GALNT13: variants seen among roughly 807,000 people sequenced by gnomAD.
GALNT13 encodes the protein polypeptide N-acetylgalactosaminyltransferase 13, also known as UDP-GalNAc:polypeptide N-acetylgalactosaminyltransferase 13.
In GALNT13, 28 loss-of-function variants were observed where a neutral mutation model predicts 64.2. That is an observed-to-expected ratio of 0.44 (90% CI 0.32 to 0.60). GALNT13 has a LOEUF of 0.60. Among genes scored for constraint, GALNT13 ranks in the 20% least tolerant of loss-of-function variants. GALNT13 has a pLI of 0.05. For synonymous variants in GALNT13, 214 were observed against 224.6 expected (o/e 0.95, Z 0.42); for missense variants, 577 against 669.8 (o/e 0.86, Z 1.53).
At position 154,114,016 on chromosome 2, in the gene GALNT13, C is replaced by T. The variant is rs1467129929; in HGVS notation, c.143-26321C>T. On this transcript the variant is annotated intron_variant, in intron 3 of 12. Coordinates refer to ENST00000392825, the MANE Select transcript of GALNT13 (RefSeq NM_052917.4). ...ACCTGGCTTAGCTTATGATAATCCA[C>T]TGTCATTCTCCAAGAGCCGTCTGTC... Among the ~76,000 whole-genome samples the T allele has an allele frequency of 2.0e-5, 3 of 152,354 alleles. No homozygotes were observed. In the East Asian group the frequency reaches 5.8e-4, roughly 29 times the overall value.
At chr2:153,858,646 A>G in the GALNT13 span, among the ~76,000 whole-genome samples, 1 of 152,152 alleles carries the variant, frequency 6.6e-6, no homozygotes, top group African/African-American at 2.4e-5. Context: ...TTAATCACTT[A>G]ATGTTCTTAA....
intron 6 of GALNT13, among the ~76,000 whole-genome samples, chr2:154,245,460 T>C (rs1364602581): frequency 6.6e-6 from 1 of 152,206 alleles, no homozygotes; most frequent in Non-Finnish European, 1.5e-5. Context: ...GAATGCTATT[T>C]CTTTTCAATG....
chr2:154,191,641 T>C (rs1573846217), intron 4 of GALNT13, among the ~76,000 whole-genome samples: 2 of 152,292 alleles, frequency 1.3e-5, no homozygotes, highest in South Asian at 4.1e-4. Context: ...GTGATACCTA[T>C]GAAACGGGAA....
At chr2:153,666,344 A>G in the GALNT13 span, among the ~76,000 whole-genome samples, 1 of 152,048 alleles carries the variant, frequency 6.6e-6, no homozygotes, top group Non-Finnish European at 1.5e-5. Flanking sequence ...TGCAACCAAC[A>G]GCATGCAAGC....
chr2:154,161,947 A>T lies in GALNT13; in HGVS notation c.311+21442A>T, dbSNP rs1013153987. Among the ~76,000 whole-genome samples the T allele has an allele frequency of 5.9e-5, 9 of 151,810 alleles. 1 individual carries two copies. The highest frequency in any genetic ancestry group is 1.3e-4 in the Admixed American group (2 of 15,238). On this transcript the variant is annotated intron_variant, in intron 4 of 12. Transcript: ENST00000392825. ...AGGTGCCCGCCACCACACCCAGCTAATTTTTTTGTATTTTTAGTAGAGATG... is the reference window on the plus strand; with the variant it reads ...AGGTGCCCGCCACCACACCCAGCTATTTTTTTTGTATTTTTAGTAGAGATG...
chr2:153,715,833 C>CT, the GALNT13 span, among the ~76,000 whole-genome samples: 2,333 of 137,016 alleles, frequency 0.017, 51 homozygotes, highest in African/African-American at 0.05. Flanking sequence ...CTTCTTCTTC[C>CT]TTTTTTTTTT....
At chr2:154,020,180 A>G (rs1422817064) in intron 3 of GALNT13, among the ~76,000 whole-genome samples, 2 of 152,196 alleles carry the variant, frequency 1.3e-5, no homozygotes, top group African/African-American at 2.4e-5. Flanking sequence ...GTGTCTTTAT[A>G]GCAGCATGAT....
At chr2:154,297,863 T>C (rs1048735277) in intron 8 of GALNT13, among the ~76,000 whole-genome samples, 20 of 151,910 alleles carry the variant, frequency 1.3e-4, no homozygotes, top group Non-Finnish European at 2.9e-5. Flanking sequence ...GTTGGCACCA[T>C]ATACTATCAA....
At chr2:153,519,424 C>T in the GALNT13 span, among the ~76,000 whole-genome samples, 1 of 152,138 alleles carries the variant, frequency 6.6e-6, no homozygotes, top group African/African-American at 2.4e-5. Context: ...CAGGATAGTA[C>T]AAGTATTCTT....
chr2:153,473,764 C>G, the GALNT13 span, among the ~76,000 whole-genome samples: 1 of 152,308 alleles, frequency 6.6e-6, no homozygotes, highest in East Asian at 1.9e-4. Context: ...AGGCTCTAAA[C>G]TGCATGTGGA....
At chr2:153,098,065 C>CA in the GALNT13 span, among the ~76,000 whole-genome samples, 1 of 152,160 alleles carries the variant, frequency 6.6e-6, no homozygotes, top group Admixed American at 6.6e-5. Flanking sequence ...GACTCCGTCT[C>CA]AAATCAAAAC....
At chr2:153,094,859 C>T in the GALNT13 span, among the ~76,000 whole-genome samples, 2 of 152,148 alleles carry the variant, frequency 1.3e-5, no homozygotes, top group Non-Finnish European at 2.9e-5. Flanking sequence ...AACTGGATCC[C>T]TTCCTTACAC....
intron 3 of GALNT13, among the ~76,000 whole-genome samples, chr2:154,024,040 T>G (rs1304947726): frequency 6.6e-6 from 1 of 152,248 alleles, no homozygotes; most frequent in Non-Finnish European, 1.5e-5. Flanking sequence ...TCTTCTGGCT[T>G]GTAGAGTTTC....
intron 11 of GALNT13, among the ~76,000 whole-genome samples, chr2:154,416,776 ATACTTT>A (rs1574266846): frequency 6.6e-6 from 1 of 152,076 alleles, no homozygotes; most frequent in Non-Finnish European, 1.5e-5. Context: ...AAGTCTTAGG[ATACTTT>A]TACATGTCAG....
intron 3 of GALNT13, among the ~76,000 whole-genome samples, chr2:153,971,128 T>C (rs2105126459): frequency 6.6e-6 from 1 of 152,290 alleles, no homozygotes; most frequent in Middle Eastern, 3.4e-3. Flanking sequence ...TTGCTAACTC[T>C]TCTGTATGTA....
At chr2:153,768,235 C>T in the GALNT13 span, among the ~76,000 whole-genome samples, 1 of 152,122 alleles carries the variant, frequency 6.6e-6, no homozygotes, top group Non-Finnish European at 1.5e-5. Context: ...GGAGAATGTT[C>T]CATGCACAGA....
chr2:153,150,125 T>A, the GALNT13 span, among the ~76,000 whole-genome samples: 2 of 151,922 alleles, frequency 1.3e-5, no homozygotes, highest in Non-Finnish European at 2.9e-5. Context: ...AGTTCTCTTT[T>A]TCTTCAAATA....
chr2:154,035,269 T>C (rs112212678), intron 3 of GALNT13, among the ~76,000 whole-genome samples: 1 of 152,140 alleles, frequency 6.6e-6, no homozygotes, highest in African/African-American at 2.4e-5. Flanking sequence ...GTAAGCATTT[T>C]ACATTAAAAT....
intron 3 of GALNT13, among the ~76,000 whole-genome samples, chr2:153,981,964 A>G (rs1216449353): frequency 1.3e-5 from 2 of 152,028 alleles, no homozygotes; most frequent in Non-Finnish European, 2.9e-5. Context: ...TTGTGGCATT[A>G]GTGAGTAGTC....
Sources: allele counts gnomAD v4.1 joint callset (sites outside exome capture counted in the v4.1 genomes callset), GRCh38; gene constraint gnomAD v4.1.1; transcripts MANE v1.5; gene names NCBI Gene and HGNC (gene_info 2026-07-23, HGNC 2026-07-21).